C12orf42: variants seen among roughly 807,000 people sequenced by gnomAD.
C12orf42 encodes the protein uncharacterized protein C12orf42.
In C12orf42, 25 loss-of-function variants were observed where a neutral mutation model predicts 21.6. The observed-to-expected ratio is 1.16, with a 90% CI of 0.84 to 1.62. The LOEUF is 1.62. Ranked by LOEUF, C12orf42 falls within the 40% of genes most tolerant of loss-of-function variation. The pLI is 0.00. For missense variants in C12orf42, 483 were observed against 459.3 expected, an observed-to-expected ratio of 1.05 and a Z score of -0.47; for synonymous variants, 174 against 175.0, an observed-to-expected ratio of 0.99 and a Z score of 0.05.
At chr12:103,348,049 G>A (rs966309699) in intron 4 of C12orf42, among the ~76,000 whole-genome samples, 5 of 152,148 alleles carry the variant, frequency 3.3e-5, no homozygotes, top group South Asian at 4.1e-4. Context: ...AGGGAGAAAC[G>A]AAATATATCA....
chr12:103,438,015 C>T (rs1032930612), intron 2 of C12orf42, among the ~76,000 whole-genome samples: 1 of 151,296 alleles, frequency 6.6e-6, no homozygotes, highest in Non-Finnish European at 1.5e-5. Context: ...CAATAAAATA[C>T]TGGCAAACCG....
the C12orf42 span, among the ~76,000 whole-genome samples, chr12:103,184,582 T>C: frequency 6.6e-6 from 1 of 152,114 alleles, no homozygotes; most frequent in Non-Finnish European, 1.5e-5. Context: ...TAGTGCTCTG[T>C]ATATGAGAAA....
the C12orf42 span, among the ~76,000 whole-genome samples, chr12:103,231,143 G>A: frequency 6.6e-6 from 1 of 152,112 alleles, no homozygotes; most frequent in Non-Finnish European, 1.5e-5. Context: ...TGTTTTCGAT[G>A]GACCTCACAT....
Position 103,313,429 on chromosome 12 carries a change from G to A in C12orf42, c.260-7084C>T, listed in dbSNP as rs116764245. 3.5e-3 allele frequency among the ~76,000 whole-genome samples: 533 copies of A among 152,316 alleles called. 5 individuals are homozygous for A. The highest frequency in any genetic ancestry group is 0.012 in the African/African-American group (508 of 41,568). On this transcript the variant is annotated intron_variant, in intron 4 of 5. Coordinates refer to ENST00000548883, the MANE Select transcript of C12orf42 (RefSeq NM_198521.5). ...GTCTGAGATGCACCACACCCAAGAG[G>A]TGGCAGAGGTTGGAGGCCAAGAGCA... is the stretch of plus-strand genomic sequence containing the variant.
chr12:103,319,809 G>T (rs76573733), intron 4 of C12orf42, among the ~76,000 whole-genome samples: 3 of 152,160 alleles, frequency 2.0e-5, no homozygotes, highest in Non-Finnish European at 4.4e-5. Context: ...TTTCTCCTTC[G>T]CACAGCAGTG....
At chr12:103,371,642 A>T (rs1371616364) in intron 3 of C12orf42, among the ~76,000 whole-genome samples, 2 of 152,154 alleles carry the variant, frequency 1.3e-5, no homozygotes, top group African/African-American at 2.4e-5. Context: ...GCTTGAGAGA[A>T]AGTGAGACAA....
chr12:103,058,918 G>C, the C12orf42 span, among the ~76,000 whole-genome samples: 1 of 152,044 alleles, frequency 6.6e-6, no homozygotes, highest in Non-Finnish European at 1.5e-5. Context: ...ACAATTAAAA[G>C]AACTAGAGAA....
chr12:103,484,414 G>A (rs1023597968), intron 1 of C12orf42, among the ~76,000 whole-genome samples: 2 of 152,166 alleles, frequency 1.3e-5, no homozygotes, highest in African/African-American at 4.8e-5. Flanking sequence ...GATGACCAGT[G>A]GTGATGAGCA....
intron 2 of C12orf42, among the ~76,000 whole-genome samples, chr12:103,411,549 G>T (rs1033248788): frequency 2.6e-5 from 4 of 152,174 alleles, no homozygotes; most frequent in African/African-American, 9.7e-5. Context: ...AAGAAGTGGG[G>T]TCTTTGGGAA....
At chr12:103,470,515 C>T (rs751629519) in intron 2 of C12orf42, among the ~76,000 whole-genome samples, 2 of 152,152 alleles carry the variant, frequency 1.3e-5, no homozygotes, top group Non-Finnish European at 2.9e-5. Context: ...TTTAAAACTT[C>T]CTTTTTAATT....
the C12orf42 span, among the ~76,000 whole-genome samples, chr12:103,218,319 T>C: frequency 2.6e-5 from 4 of 151,406 alleles, no homozygotes; most frequent in Non-Finnish European, 5.9e-5. Context: ...CCCACTAGAA[T>C]ATACTCTTCC....
chr12:103,183,188 T>C, the C12orf42 span, among the ~76,000 whole-genome samples: 1 of 152,212 alleles, frequency 6.6e-6, no homozygotes, highest in Admixed American at 6.5e-5. Context: ...TTCAACAGAT[T>C]CTCCTGCCTC....
chr12:103,275,697 C>T (rs767452555), intron 5 of C12orf42, among the ~76,000 whole-genome samples: 11 of 148,752 alleles, frequency 7.4e-5, no homozygotes, highest in Non-Finnish European at 1.3e-4. Context: ...TACTATCTTG[C>T]AGAATTCAAT....
chr12:103,157,644 T>C, the C12orf42 span, among the ~76,000 whole-genome samples: 22 of 152,334 alleles, frequency 1.4e-4, no homozygotes, highest in African/African-American at 5.3e-4. Flanking sequence ...TTAATTTTTG[T>C]ATAACGTGTA....
chr12:103,503,061 C>T, the C12orf42 span, among the ~76,000 whole-genome samples: 1 of 152,164 alleles, frequency 6.6e-6, no homozygotes, highest in African/African-American at 2.4e-5. Context: ...GCCAAAAATT[C>T]CTCCAACTTC....
At chr12:103,457,102 A>G (rs1952350166) in intron 2 of C12orf42, among the ~76,000 whole-genome samples, 1 of 152,204 alleles carries the variant, frequency 6.6e-6, no homozygotes, top group Non-Finnish European at 1.5e-5. Context: ...GTTCACAAAT[A>G]TATACTGAAG....
intron 4 of C12orf42, among the ~76,000 whole-genome samples, chr12:103,313,403 A>G (rs2039154030): frequency 6.6e-6 from 1 of 152,184 alleles, no homozygotes; most frequent in South Asian, 2.1e-4. Flanking sequence ...GCAAAGGAAG[A>G]GTCTGAGATG....
At chr12:103,338,707 G>T (rs1455541769) in intron 4 of C12orf42, among the ~76,000 whole-genome samples, 1 of 152,046 alleles carries the variant, frequency 6.6e-6, no homozygotes, top group African/African-American at 2.4e-5. Flanking sequence ...CTGGGTCCCT[G>T]GCACTTGTTA....
chr12:103,384,178 G>A (rs2046409266), intron 3 of C12orf42, among the ~76,000 whole-genome samples: 1 of 152,112 alleles, frequency 6.6e-6, no homozygotes, highest in South Asian at 2.1e-4. Flanking sequence ...TAGCAGCTAT[G>A]TAAGCACTGA....
Sources: gnomAD v4.1 joint callset for allele counts (sites outside exome capture counted in the v4.1 genomes callset) on GRCh38, gnomAD v4.1.1 for gene constraint, MANE v1.5 for transcripts, NCBI Gene and HGNC (gene_info 2026-07-23, HGNC 2026-07-21) for gene names.